NALF1: variants seen among roughly 807,000 people sequenced by gnomAD.
The protein encoded by NALF1 is NALCN channel auxiliary factor 1.
In NALF1, 3 loss-of-function variants were observed where a neutral mutation model predicts 48.4. The ratio of observed to expected loss-of-function variants is 0.06; its 90% confidence interval spans 0.03 to 0.16. The LOEUF is 0.16. NALF1 is among the 10% of genes least tolerant of loss of function. The probability of loss-of-function intolerance (pLI) is 1.00; values close to 1 mark genes in which losing one functional copy is unlikely to be tolerated. For missense variants in NALF1, 526 were observed against 571.5 expected (o/e 0.92, Z 0.81); for synonymous variants, 262 against 245.7 (o/e 1.07, Z -0.62).
chr13:107,694,311 T>C (rs1158234403), intron 1 of NALF1, among the ~76,000 whole-genome samples: 1 of 91,548 alleles, frequency 1.1e-5, no homozygotes, highest in Non-Finnish European at 2.7e-5. Context: ...ACCTGCTTTA[T>C]ACATTTTTTT....
At chr13:107,641,742 T>C (rs1880162641) in intron 1 of NALF1, among the ~76,000 whole-genome samples, 2 of 152,144 alleles carry the variant, frequency 1.3e-5, no homozygotes, top group Admixed American at 6.5e-5. Flanking sequence ...AGATCTTGTA[T>C]CAGGCCTCAC....
intron 1 of NALF1, among the ~76,000 whole-genome samples, chr13:107,212,635 CA>C (rs1879785973): frequency 6.6e-6 from 1 of 152,098 alleles, no homozygotes; most frequent in South Asian, 2.1e-4. Flanking sequence ...AAACGTTTGT[CA>C]AAATGCCATA....
intron 1 of NALF1, among the ~76,000 whole-genome samples, chr13:107,611,602 G>T (rs1003715440): frequency 6.6e-6 from 1 of 152,146 alleles, no homozygotes; most frequent in Non-Finnish European, 1.5e-5. Flanking sequence ...CTAATGGGTT[G>T]AGTGCAGTGG....
intron 1 of NALF1, among the ~76,000 whole-genome samples, chr13:107,701,860 A>G (rs1033618373): frequency 6.6e-6 from 1 of 152,204 alleles, no homozygotes; most frequent in African/African-American, 2.4e-5. Flanking sequence ...ACATAATAAA[A>G]TTTACTTTAA....
intron 1 of NALF1, among the ~76,000 whole-genome samples, chr13:107,430,690 A>G (rs1310668599): frequency 6.6e-6 from 1 of 152,130 alleles, no homozygotes; most frequent in Non-Finnish European, 1.5e-5. Flanking sequence ...TTCTTAATCC[A>G]GTCTATCATT....
At chr13:107,444,649 G>A (rs942880337) in intron 1 of NALF1, among the ~76,000 whole-genome samples, 6 of 152,138 alleles carry the variant, frequency 3.9e-5, no homozygotes, top group African/African-American at 1.4e-4. Flanking sequence ...TGCAGAGTAT[G>A]TTTATACAGC....
rs530357003 is a variant in NALF1 at position 107,163,912 on chromosome 13, C to T, written c.*6585G>A. ...AAGAGAAAAAGGAAGAAAAAGAAAG[C>T]AAGAGGTTTTCTTTTAACGTCCATA... is the stretch of plus-strand genomic sequence containing the variant. On this transcript the variant is annotated 3_prime_UTR_variant, in exon 3 of 3. Coordinates refer to ENST00000375915, the MANE Select transcript of NALF1 (RefSeq NM_001080396.3). 46 of 152,166 alleles carry T rather than the reference C, an allele frequency of 3.0e-4. No individual in the cohort carries two copies. The highest frequency in any genetic ancestry group is 1.1e-3 in the African/African-American group (45 of 41,538). 9.4% of individuals were successfully genotyped at this position (152,166 alleles called of 1,614,324 possible). A position where few individuals can be genotyped will look rare whatever the true frequency, so the allele number is the denominator to read the frequency against.
At chr13:107,521,813 C>T (rs1049043707) in intron 1 of NALF1, among the ~76,000 whole-genome samples, 1 of 151,914 alleles carries the variant, frequency 6.6e-6, no homozygotes, top group Non-Finnish European at 1.5e-5. Flanking sequence ...GCATAGACCA[C>T]TTTTAATTCT....
At chr13:107,662,582 C>T (rs1880759194) in intron 1 of NALF1, among the ~76,000 whole-genome samples, 1 of 152,102 alleles carries the variant, frequency 6.6e-6, no homozygotes, top group Non-Finnish European at 1.5e-5. Context: ...ATATTCCCTG[C>T]TGGTATGTTT....
At chr13:107,698,212 C>G (rs572270516) in intron 1 of NALF1, among the ~76,000 whole-genome samples, 2 of 152,112 alleles carry the variant, frequency 1.3e-5, no homozygotes, top group East Asian at 1.9e-4. Flanking sequence ...CTTTTTGTTA[C>G]CAAATAAAAG....
At chr13:107,765,257 T>C (rs1877390274) in intron 1 of NALF1, among the ~76,000 whole-genome samples, 1 of 152,190 alleles carries the variant, frequency 6.6e-6, no homozygotes, top group Non-Finnish European at 1.5e-5. Context: ...AGATTTTTCA[T>C]TGCACCACAA....
chr13:107,720,774 T>G (rs1241941887), intron 1 of NALF1, among the ~76,000 whole-genome samples: 1 of 152,152 alleles, frequency 6.6e-6, no homozygotes, highest in Non-Finnish European at 1.5e-5. Context: ...ACCGATCACT[T>G]TAGAGCACAA....
intron 1 of NALF1, among the ~76,000 whole-genome samples, chr13:107,742,640 A>G (rs1457795981): frequency 6.6e-6 from 1 of 152,184 alleles, no homozygotes; most frequent in Admixed American, 6.6e-5. Context: ...TACTTTATAA[A>G]TTACCCAGTC....
chr13:107,448,125 C>T (rs897932941), intron 1 of NALF1, among the ~76,000 whole-genome samples: 36 of 152,226 alleles, frequency 2.4e-4, no homozygotes, highest in Non-Finnish European at 4.9e-4. Flanking sequence ...CTCAGTCAGG[C>T]TTTCTGCTCT....
chr13:107,174,937 G>A (rs188667980), intron 2 of NALF1, among the ~76,000 whole-genome samples: 5,398 of 150,812 alleles, frequency 0.036, 118 homozygotes, highest in Middle Eastern at 0.065. Context: ...AGGCTGGAGT[G>A]CAGCGGCGCG....
chr13:107,786,946 C>T (rs1365814914), intron 1 of NALF1, among the ~76,000 whole-genome samples: 1 of 152,090 alleles, frequency 6.6e-6, no homozygotes, highest in Admixed American at 6.5e-5. Flanking sequence ...GGACAATGGA[C>T]GCCTGAGATA....
intron 1 of NALF1, 81 bp downstream of exon 1, chr13:107,865,601 T>C (rs1207475205): frequency 2.0e-6 from 3 of 1,514,730 alleles, no homozygotes; most frequent in African/African-American, 1.4e-5. Flanking sequence ...CAAAAAATAA[T>C]AATAATAAAC....
At chr13:107,291,146 C>T (rs1881612460) in intron 1 of NALF1, among the ~76,000 whole-genome samples, 1 of 151,432 alleles carries the variant, frequency 6.6e-6, no homozygotes, top group African/African-American at 2.4e-5. Context: ...TTCAAATATA[C>T]AATCAAATAC....
chr13:107,620,984 G>A (rs529357863), intron 1 of NALF1, among the ~76,000 whole-genome samples: 2 of 152,114 alleles, frequency 1.3e-5, no homozygotes, highest in Admixed American at 6.5e-5. Context: ...GTGTGTGAGT[G>A]TGTGCGTGTG....
Sources: gnomAD v4.1 joint callset for allele counts (sites outside exome capture counted in the v4.1 genomes callset) on GRCh38, gnomAD v4.1.1 for gene constraint, MANE v1.5 for transcripts, NCBI Gene and HGNC (gene_info 2026-07-23, HGNC 2026-07-21) for gene names.